GRAMD1C: variants seen among roughly 807,000 people sequenced by gnomAD.
GRAMD1C encodes GRAM domain containing 1C.
A neutral mutation model predicts 97.8 loss-of-function variants in GRAMD1C; 89 were observed. That is an observed-to-expected ratio of 0.91 (90% CI 0.77 to 1.09). GRAMD1C has a LOEUF of 1.09. GRAMD1C is among the 50% of genes least tolerant of loss of function. The pLI is 0.00. For synonymous variants in GRAMD1C, 256 were observed against 267.0 expected, an observed-to-expected ratio of 0.96 and a Z score of 0.40; for missense variants, 740 against 766.4, an observed-to-expected ratio of 0.97 and a Z score of 0.41.
chr3:113,842,752 C>T (rs1933396006), intron 1 of GRAMD1C, among the ~76,000 whole-genome samples: 1 of 152,026 alleles, frequency 6.6e-6, no homozygotes, highest in African/African-American at 2.4e-5. Flanking sequence ...CACGTGAGGT[C>T]AGGAGTTTGT....
At chr3:113,928,538 A>C (rs1316856879) in intron 10 of GRAMD1C, among the ~76,000 whole-genome samples, 2 of 152,226 alleles carry the variant, frequency 1.3e-5, no homozygotes, top group African/African-American at 4.8e-5. Flanking sequence ...CATTAAGTAC[A>C]TTCACGTTAT....
intron 8 of GRAMD1C, among the ~76,000 whole-genome samples, chr3:113,904,922 C>A (rs1202679071): frequency 6.6e-6 from 1 of 152,178 alleles, no homozygotes; most frequent in Non-Finnish European, 1.5e-5. Context: ...GCAACCTCCA[C>A]CCCCTGGGTT....
intron 10 of GRAMD1C, among the ~76,000 whole-genome samples, chr3:113,923,660 T>A (rs1467452207): frequency 6.6e-6 from 1 of 152,206 alleles, no homozygotes; most frequent in Admixed American, 6.5e-5. Context: ...TGCTGCTGGA[T>A]TCAGTTTGCT....
Position 113,871,353 on chromosome 3 carries a change from T to A in GRAMD1C, c.259+1762T>A, listed in dbSNP as rs192460694. 3.9e-3 allele frequency among the ~76,000 whole-genome samples: 590 copies of A among 152,198 alleles called. 8 individuals are homozygous for A. Among genetic ancestry groups the A allele is most frequent in the South Asian group, 0.028 (135 of 4,828 alleles). On this transcript the variant is annotated intron_variant, in intron 3 of 17. Coordinates refer to ENST00000358160, the MANE Select transcript of GRAMD1C (RefSeq NM_017577.5). ...TAAAACTACAGAGCTAAGTTTTAGT[T>A]TTAGTATATATTTAATTGAAAACAT...
chr3:113,917,214 G>A (rs1415828462), intron 10 of GRAMD1C, among the ~76,000 whole-genome samples: 3 of 151,438 alleles, frequency 2.0e-5, no homozygotes, highest in Non-Finnish European at 4.4e-5. Flanking sequence ...ATTAACTTTG[G>A]GAGCACATGA....
intron 8 of GRAMD1C, among the ~76,000 whole-genome samples, chr3:113,907,472 T>C (rs1577190791): frequency 6.6e-6 from 1 of 152,146 alleles, no homozygotes; most frequent in East Asian, 1.9e-4. Flanking sequence ...GTATAGATGT[T>C]TTCAGGTTAT....
chr3:113,920,820 G>A (rs1179048008), intron 10 of GRAMD1C, among the ~76,000 whole-genome samples: 2 of 152,102 alleles, frequency 1.3e-5, no homozygotes, highest in Non-Finnish European at 2.9e-5. Flanking sequence ...TGGGATTACA[G>A]CATGAGCCAC....
intron 1 of GRAMD1C, among the ~76,000 whole-genome samples, chr3:113,828,822 C>T (rs111591280): frequency 0.015 from 2,225 of 152,248 alleles, 49 homozygotes; most frequent in African/African-American, 0.048. Context: ...AACCACCACT[C>T]CTGTCAGCCA....
At chr3:113,836,476 C>T (rs1450672960), upstream of GRAMD1C, among the ~76,000 whole-genome samples, 1 of 151,382 alleles carries the variant, frequency 6.6e-6, no homozygotes, top group South Asian at 2.1e-4. Context: ...TATTCATCTT[C>T]GTGGAAGCAT....
intron 17 of GRAMD1C, among the ~76,000 whole-genome samples, chr3:113,941,108 A>AT (rs1937754645): frequency 6.6e-6 from 1 of 152,082 alleles, no homozygotes; most frequent in South Asian, 2.1e-4. Flanking sequence ...CCTCCTTTTA[A>AT]TGGAGCACAT....
At chr3:113,907,990 A>G (rs190085284) in intron 8 of GRAMD1C, among the ~76,000 whole-genome samples, 7 of 152,252 alleles carry the variant, frequency 4.6e-5, no homozygotes, top group African/African-American at 1.4e-4. Context: ...TGAAGAATCA[A>G]TCTTCTGACC....
intron 2 of GRAMD1C, among the ~76,000 whole-genome samples, chr3:113,848,323 G>A (rs931003377): frequency 3.9e-5 from 6 of 152,150 alleles, no homozygotes; most frequent in Non-Finnish European, 8.8e-5. Context: ...TGAATCAGTA[G>A]TAACCTCATG....
chr3:113,884,771 G>A (rs1389890316), intron 6 of GRAMD1C, among the ~76,000 whole-genome samples: 3 of 151,794 alleles, frequency 2.0e-5, no homozygotes, highest in East Asian at 1.9e-4. Context: ...CCCGGGAGGC[G>A]GAGCTTGCAG....
chr3:113,922,686 G>T (rs951270249), intron 10 of GRAMD1C, among the ~76,000 whole-genome samples: 1 of 152,132 alleles, frequency 6.6e-6, no homozygotes, highest in Non-Finnish European at 1.5e-5. Flanking sequence ...TTGTCTTATA[G>T]TATAGCTTGA....
intron 3 of GRAMD1C, among the ~76,000 whole-genome samples, chr3:113,872,283 GA>G (rs1340822694): frequency 6.6e-6 from 1 of 150,944 alleles, no homozygotes; most frequent in Non-Finnish European, 1.5e-5. Context: ...TATATATATA[GA>G]AAAAAACTTA....
chr3:113,833,160 C>T (rs768484130), intron 1 of GRAMD1C, among the ~76,000 whole-genome samples: 3 of 132,738 alleles, frequency 2.3e-5, no homozygotes, highest in African/African-American at 5.8e-5. Context: ...GTGTGTGTGA[C>T]GAGTTTTGCT....
intron 6 of GRAMD1C, among the ~76,000 whole-genome samples, chr3:113,894,502 C>T (rs987665268): frequency 1.3e-5 from 2 of 152,106 alleles, no homozygotes; most frequent in Non-Finnish European, 2.9e-5. Context: ...TGGTCTCGAA[C>T]GCCTGACCTC....
chr3:113,842,953 ACT>A (rs1427027420), intron 1 of GRAMD1C, among the ~76,000 whole-genome samples: 1 of 147,648 alleles, frequency 6.8e-6, no homozygotes, highest in Non-Finnish European at 1.5e-5. Flanking sequence ...ACAGAGTGAG[ACT>A]CTGTTTCAAA....
intron 7 of GRAMD1C, among the ~76,000 whole-genome samples, chr3:113,901,755 G>A (rs1249044124): frequency 6.6e-6 from 1 of 152,188 alleles, no homozygotes; most frequent in Non-Finnish European, 1.5e-5. Flanking sequence ...ACAAGTAAAA[G>A]TGCATTATGT....
Sources: allele counts gnomAD v4.1 joint callset (sites outside exome capture counted in the v4.1 genomes callset), GRCh38; gene constraint gnomAD v4.1.1; transcripts MANE v1.5; gene names NCBI Gene and HGNC (gene_info 2026-07-23, HGNC 2026-07-21).